Variants in GPM6A observed in about 807,000 individuals in gnomAD.
The protein encoded by GPM6A is neuronal membrane glycoprotein M6-a.
A neutral mutation model predicts 32.1 loss-of-function variants in GPM6A; 7 were observed. The ratio of observed to expected loss-of-function variants is 0.22; its 90% confidence interval spans 0.12 to 0.41. The LOEUF is 0.41. GPM6A is among the 10% of genes least tolerant of loss of function. GPM6A has a pLI of 1.00. For synonymous variants in GPM6A, 130 were observed against 123.4 expected (o/e 1.05, Z -0.35); for missense variants, 235 against 347.2 (o/e 0.68, Z 2.57).
chr4:175,995,376 T>TAAAAA (rs10541049), intron 1 of GPM6A, among the ~76,000 whole-genome samples: 2 of 96,324 alleles, frequency 2.1e-5, no homozygotes, highest in Non-Finnish European at 2.1e-5. Flanking sequence ...TTTCAATTTG[T>TAAAAA]AAAAAAAAAA....
intron 1 of GPM6A, among the ~76,000 whole-genome samples, chr4:175,964,744 A>G (rs7656002): frequency 0.22 from 32,974 of 152,084 alleles, 5,058 homozygotes; most frequent in African/African-American, 0.43. Flanking sequence ...AGTCCATTAC[A>G]TTGTTAACAC....
At chr4:175,748,672 A>G (rs1266294219) in intron 1 of GPM6A, among the ~76,000 whole-genome samples, 1 of 152,158 alleles carries the variant, frequency 6.6e-6, no homozygotes, top group Non-Finnish European at 1.5e-5. Flanking sequence ...TTGGAGTGAT[A>G]AATAAACATT....
At chr4:175,890,895 G>A (rs778422905) in intron 1 of GPM6A, among the ~76,000 whole-genome samples, 10 of 152,000 alleles carry the variant, frequency 6.6e-5, no homozygotes, top group Admixed American at 3.3e-4. Context: ...TAGAGATCAC[G>A]CATGCAGTAT....
At chr4:175,996,427 A>C (rs62340608) in intron 1 of GPM6A, among the ~76,000 whole-genome samples, 2 of 152,064 alleles carry the variant, frequency 1.3e-5, no homozygotes, top group South Asian at 4.1e-4. Context: ...ACTACAAAGC[A>C]TCTAGTTGAT....
At chr4:175,673,965 G>A (rs1743224675) in intron 2 of GPM6A, 129 bp from the exon 3 acceptor site, 1 of 613,220 alleles carries the variant, frequency 1.6e-6, no homozygotes, top group Admixed American at 3.2e-5. Context: ...ATGAAGGTTG[G>A]ATTTAAAAAC....
intron 1 of GPM6A, chr4:175,961,095 C>T (rs950220403): frequency 8.5e-5 from 13 of 152,154 alleles, no homozygotes; most frequent in African/African-American, 3.1e-4. Flanking sequence ...GCTGACAATA[C>T]AAAACACATT....
chr4:175,657,970 T>C (rs555046709), intron 3 of GPM6A, among the ~76,000 whole-genome samples: 87 of 152,304 alleles, frequency 5.7e-4, no homozygotes, highest in African/African-American at 2.0e-3. Context: ...ACACAGTGTA[T>C]AGCTTAATGC....
chr4:175,916,309 C>T (rs906770812), intron 1 of GPM6A, among the ~76,000 whole-genome samples: 1 of 152,204 alleles, frequency 6.6e-6, no homozygotes, highest in Admixed American at 6.5e-5. Context: ...CTGTTTAGTG[C>T]ATCCCCTGAC....
intron 1 of GPM6A, among the ~76,000 whole-genome samples, chr4:175,956,125 A>G (rs1739977953): frequency 6.6e-6 from 1 of 152,200 alleles, no homozygotes; most frequent in Non-Finnish European, 1.5e-5. Flanking sequence ...TCTACAATAT[A>G]CATTAGAAGA....
upstream of GPM6A, chr4:175,812,754 G>A: frequency 2.0e-6 from 2 of 985,456 alleles, no homozygotes; most frequent in Non-Finnish European, 2.4e-6. Flanking sequence ...TCCAGAGTGG[G>A]AAAGCCCAGA....
At chr4:175,967,135 CTAGT>C (rs1740356407) in intron 1 of GPM6A, among the ~76,000 whole-genome samples, 1 of 152,120 alleles carries the variant, frequency 6.6e-6, no homozygotes, top group South Asian at 2.1e-4. Context: ...GTATGAAAAT[CTAGT>C]TAAATATTCA....
At chr4:175,667,554 G>C (rs1205520978) in intron 3 of GPM6A, among the ~76,000 whole-genome samples, 3 of 152,028 alleles carry the variant, frequency 2.0e-5, no homozygotes, top group African/African-American at 7.2e-5. Context: ...AAGAAGCATG[G>C]ACTTTTAGTT....
At chr4:175,736,224 C>G (rs1395798633) in intron 1 of GPM6A, among the ~76,000 whole-genome samples, 5 of 152,046 alleles carry the variant, frequency 3.3e-5, no homozygotes, top group Non-Finnish European at 5.9e-5. Context: ...CTATGTTGCT[C>G]AGGCTGGTCT....
chr4:175,637,735 A>AAAAT (rs1560842992), intron 6 of GPM6A, among the ~76,000 whole-genome samples: 1 of 67,724 alleles, frequency 1.5e-5, no homozygotes, highest in East Asian at 4.1e-4. Context: ...TATATTATAT[A>AAAAT]TTATATAAAA....
At chr4:175,978,332 C>G (rs1379653991) in intron 1 of GPM6A, among the ~76,000 whole-genome samples, 4 of 152,162 alleles carry the variant, frequency 2.6e-5, no homozygotes. Flanking sequence ...CACTAACTAT[C>G]ATGAGAACAG....
At chr4:175,952,627 A>T (rs1456887565) in intron 1 of GPM6A, among the ~76,000 whole-genome samples, 2 of 152,218 alleles carry the variant, frequency 1.3e-5, no homozygotes, top group African/African-American at 4.8e-5. Context: ...TTTTGTGTAC[A>T]TCTTTCCTGA....
intron 1 of GPM6A, among the ~76,000 whole-genome samples, chr4:175,764,595 A>C (rs1732884514): frequency 1.3e-5 from 2 of 152,242 alleles, no homozygotes; most frequent in South Asian, 4.1e-4. Flanking sequence ...ATACCTTTCC[A>C]GTATAGAACT....
chr4:175,830,985 G>A (rs887564988), intron 1 of GPM6A, among the ~76,000 whole-genome samples: 3 of 152,040 alleles, frequency 2.0e-5, no homozygotes, highest in Non-Finnish European at 4.4e-5. Flanking sequence ...CTAAATTGCT[G>A]AGTTTATTTG....
intron 6 of GPM6A, among the ~76,000 whole-genome samples, chr4:175,636,804 C>CAT (rs1164622323): frequency 6.9e-6 from 1 of 145,624 alleles, no homozygotes; most frequent in African/African-American, 2.5e-5. Context: ...CAAAAAAATA[C>CAT]ATATATATAT....
Sources: allele counts gnomAD v4.1 joint callset (sites outside exome capture counted in the v4.1 genomes callset), GRCh38; gene constraint gnomAD v4.1.1; transcripts MANE v1.5; gene names NCBI Gene and HGNC (gene_info 2026-07-23, HGNC 2026-07-21).